GALNT13: variants seen among roughly 807,000 people sequenced by gnomAD.
The protein encoded by GALNT13 is UDP-GalNAc:polypeptide N-acetylgalactosaminyltransferase 13.
GALNT13 carries 28 observed loss-of-function variants against 64.2 expected under a neutral mutation model. The ratio of observed to expected loss-of-function variants is 0.44; its 90% CI spans 0.32 to 0.60. GALNT13 has a LOEUF of 0.60. GALNT13 is among the 20% of genes least tolerant of loss of function. The probability of loss-of-function intolerance (pLI) is 0.05; values close to 1 mark genes in which losing one functional copy is unlikely to be tolerated. For missense variants in GALNT13, 577 were observed against 669.8 expected (o/e 0.86, Z 1.53); for synonymous variants, 214 against 224.6 (o/e 0.95, Z 0.42).
chr2:153,654,092 G>A, the GALNT13 span, among the ~76,000 whole-genome samples: 1 of 152,036 alleles, frequency 6.6e-6, no homozygotes, highest in African/African-American at 2.4e-5. Flanking sequence ...GTAAAGTAGT[G>A]TAATCAAGCC....
In GALNT13 at chr2:153,942,287, G is replaced by T. The variant is rs923991894; in HGVS notation, c.-104-2107G>T. On this transcript the variant is annotated intron_variant, in intron 2 of 12. Transcript: ENST00000392825. ...TTTATTTGATGACAGAGCCAGGGAT[G>T]GTGCTGTTTACATCTTCCAGGATCA... is the stretch of plus-strand genomic sequence containing the variant. Among the ~76,000 whole-genome samples the T allele has an allele frequency of 2.0e-5, 3 of 152,056 alleles. No individual in the cohort carries two copies. In the South Asian group the frequency reaches 6.2e-4, roughly 32 times the overall value.
the GALNT13 span, among the ~76,000 whole-genome samples, chr2:153,798,607 C>G: frequency 6.6e-6 from 1 of 152,108 alleles, no homozygotes; most frequent in Non-Finnish European, 1.5e-5. Context: ...AACCAATTAC[C>G]TCCTGTTTCC....
chr2:153,558,397 A>G, the GALNT13 span, among the ~76,000 whole-genome samples: 7 of 152,182 alleles, frequency 4.6e-5, no homozygotes, highest in African/African-American at 1.7e-4. Flanking sequence ...GAACAGAGGC[A>G]GCAGCAGCTT....
At chr2:154,005,001 A>G (rs1558902200) in intron 3 of GALNT13, among the ~76,000 whole-genome samples, 1 of 152,174 alleles carries the variant, frequency 6.6e-6, no homozygotes, top group Non-Finnish European at 1.5e-5. Flanking sequence ...AGGGCTCAAT[A>G]TAATCTGTTG....
the GALNT13 span, among the ~76,000 whole-genome samples, chr2:153,834,875 C>A: frequency 3.1e-3 from 468 of 152,078 alleles, 1 homozygote; most frequent in Non-Finnish European, 5.1e-3. Context: ...ATAGTCCATG[C>A]CTTGTAAATA....
chr2:153,658,675 G>C, the GALNT13 span, among the ~76,000 whole-genome samples: 51 of 151,930 alleles, frequency 3.4e-4, no homozygotes, highest in Non-Finnish European at 6.8e-4. Context: ...TCAGGGAAAA[G>C]ACAGATACAA....
the GALNT13 span, among the ~76,000 whole-genome samples, chr2:153,442,935 T>A: frequency 6.6e-6 from 1 of 152,194 alleles, no homozygotes; most frequent in African/African-American, 2.4e-5. Context: ...TTCAGACTGC[T>A]GTGCTTGCAG....
chr2:153,610,839 C>G, the GALNT13 span, among the ~76,000 whole-genome samples: 2 of 151,794 alleles, frequency 1.3e-5, no homozygotes, highest in Non-Finnish European at 2.9e-5. Context: ...TGTATTAATA[C>G]TAGAAAATTT....
chr2:153,259,964 G>T, the GALNT13 span, among the ~76,000 whole-genome samples: 1 of 151,656 alleles, frequency 6.6e-6, no homozygotes, highest in Admixed American at 6.6e-5. Context: ...TATGTTTTGT[G>T]TATCTGTTGT....
chr2:154,448,880 A>C (rs1280913526), intron 12 of GALNT13, among the ~76,000 whole-genome samples: 2 of 152,020 alleles, frequency 1.3e-5, no homozygotes, highest in Non-Finnish European at 2.9e-5. Context: ...TTTTTTAAAA[A>C]GGGATCTAAT....
chr2:153,172,868 A>G, the GALNT13 span, among the ~76,000 whole-genome samples: 2 of 151,854 alleles, frequency 1.3e-5, no homozygotes, highest in African/African-American at 4.8e-5. Context: ...AACATTATTC[A>G]TTTTCTTTGT....
chr2:153,613,284 C>T, the GALNT13 span, among the ~76,000 whole-genome samples: 4 of 152,088 alleles, frequency 2.6e-5, no homozygotes, highest in Admixed American at 6.6e-5. Context: ...GAGAAGATTG[C>T]GAATTTGGCC....
chr2:153,068,692 T>C, the GALNT13 span, among the ~76,000 whole-genome samples: 1 of 152,200 alleles, frequency 6.6e-6, no homozygotes, highest in African/African-American at 2.4e-5. Context: ...CTTGGTGTGC[T>C]TGGTGCCTGT....
At chr2:153,574,627 C>T in the GALNT13 span, among the ~76,000 whole-genome samples, 2 of 152,064 alleles carry the variant, frequency 1.3e-5, no homozygotes, top group Admixed American at 6.6e-5. Flanking sequence ...ATTGATGTTG[C>T]CATTAAAAGA....
the GALNT13 span, among the ~76,000 whole-genome samples, chr2:153,598,321 T>C: frequency 6.6e-6 from 1 of 152,094 alleles, no homozygotes; most frequent in East Asian, 1.9e-4. Context: ...GCAAGTTCTT[T>C]CCTGCCTCAG....
the GALNT13 span, among the ~76,000 whole-genome samples, chr2:153,733,537 C>T: frequency 6.6e-6 from 1 of 152,316 alleles, no homozygotes; most frequent in African/African-American, 2.4e-5. Context: ...CATATTTGCA[C>T]ATTCATCCTG....
chr2:153,358,710 A>G, the GALNT13 span, among the ~76,000 whole-genome samples: 3 of 152,162 alleles, frequency 2.0e-5, no homozygotes, highest in East Asian at 3.8e-4. Context: ...ATAAATATAT[A>G]TAAAACTATA....
the GALNT13 span, among the ~76,000 whole-genome samples, chr2:153,156,681 T>G: frequency 6.6e-6 from 1 of 152,198 alleles, no homozygotes; most frequent in Non-Finnish European, 1.5e-5. Flanking sequence ...AATTCCCTGC[T>G]CAAACATTTA....
intron 9 of GALNT13, among the ~76,000 whole-genome samples, chr2:154,366,542 A>T (rs1246039238): frequency 6.6e-6 from 1 of 152,222 alleles, no homozygotes; most frequent in African/African-American, 2.4e-5. Flanking sequence ...ATCAAGTACA[A>T]TGAGTTAAAC....
Sources: gnomAD v4.1 joint callset for allele counts (sites outside exome capture counted in the v4.1 genomes callset) on GRCh38, gnomAD v4.1.1 for gene constraint, MANE v1.5 for transcripts, NCBI Gene and HGNC (gene_info 2026-07-23, HGNC 2026-07-21) for gene names.